Variants in TNS1 observed in about 807,000 individuals in gnomAD.
The protein encoded by TNS1 is tensin 1.
A neutral mutation model predicts 168.6 loss-of-function variants in TNS1; 62 were observed. That is an observed-to-expected ratio of 0.37 (90% CI 0.30 to 0.45). The LOEUF is 0.45. TNS1 is among the 20% of genes least tolerant of loss of function. The pLI is 1.00. For missense variants in TNS1, 2,240 were observed against 2,339.4 expected (o/e 0.96, Z 0.88); for synonymous variants, 934 against 933.2 (o/e 1.00, Z -0.02).
chr2:218,012,891 T>C (rs967193128), upstream of TNS1, among the ~76,000 whole-genome samples: 3 of 152,114 alleles, frequency 2.0e-5, no homozygotes, highest in Non-Finnish European at 4.4e-5. Context: ...TGGGGGGTTC[T>C]AATCCCAAAT....
At chr2:218,019,945 G>A (rs374551516) in intron 1 of TNS1, among the ~76,000 whole-genome samples, 8 of 151,190 alleles carry the variant, frequency 5.3e-5, no homozygotes, top group Non-Finnish European at 7.4e-5. Flanking sequence ...CCCACTCCCC[G>A]GCTGCAGCCT....
chr2:218,004,094 G>A (rs1216862917), upstream of TNS1, among the ~76,000 whole-genome samples: 1 of 152,198 alleles, frequency 6.6e-6, no homozygotes, highest in Non-Finnish European at 1.5e-5. Flanking sequence ...AACTGAGGGT[G>A]GGTGGGGGCC....
chr2:217,954,822 C>A (rs928542503), intron 3 of TNS1, among the ~76,000 whole-genome samples: 2 of 152,212 alleles, frequency 1.3e-5, no homozygotes, highest in African/African-American at 4.8e-5. Context: ...CTGTGGGCTT[C>A]CTGCACACAT....
intron 2 of TNS1, among the ~76,000 whole-genome samples, chr2:217,981,329 C>T (rs938088339): frequency 2.6e-5 from 4 of 152,220 alleles, no homozygotes; most frequent in Non-Finnish European, 4.4e-5. Flanking sequence ...TGGGCTGACT[C>T]CTGTGCTCTC....
chr2:217,838,697 C>G (rs529875258), intron 19 of TNS1, among the ~76,000 whole-genome samples: 128 of 152,346 alleles, frequency 8.4e-4, no homozygotes, highest in African/African-American at 3.0e-3. Flanking sequence ...TCCCCCTTGG[C>G]AAGCCCAGAT....
At chr2:217,932,611 C>T (rs1559371165) in intron 3 of TNS1, among the ~76,000 whole-genome samples, 1 of 152,152 alleles carries the variant, frequency 6.6e-6, no homozygotes, top group Non-Finnish European at 1.5e-5. Context: ...TTCACCTCAC[C>T]CCTGTGAAGC....
chr2:217,987,278 C>A (rs1035220352), intron 2 of TNS1, among the ~76,000 whole-genome samples: 3 of 152,152 alleles, frequency 2.0e-5, no homozygotes, highest in Admixed American at 6.5e-5. Context: ...CACAGCAGCC[C>A]CCCAGAGACC....
Position 217,813,419 on chromosome 2 carries a change from G to T in TNS1, c.4862-112C>A. On this transcript the variant is annotated intron_variant, in intron 26 of 32. Coordinates refer to ENST00000682258, the MANE Select transcript of TNS1 (RefSeq NM_001387777.1). This position sits in a 1 kb window ranked among gnomAD's most constrained non-coding sequence, Gnocchi z 4.0. Reference sequence around the variant, plus strand: ...TGTGCGGGGCCAAGATGGGAGAAATGACTGAAGAGAGAACGTGGCTGGAGC... The same window carrying T: ...TGTGCGGGGCCAAGATGGGAGAAATTACTGAAGAGAGAACGTGGCTGGAGC... 1 of 1,021,118 alleles carries T rather than the reference G, an allele frequency of 9.8e-7. No individual in the cohort carries two copies. Among genetic ancestry groups the T allele is most frequent in the South Asian group, 1.5e-5 (1 of 68,686 alleles). 63.3% of individuals were successfully genotyped at this position (1,021,118 alleles called of 1,614,324 possible).
At chr2:217,904,038 G>A (rs1189331908) in intron 6 of TNS1, among the ~76,000 whole-genome samples, 1 of 152,190 alleles carries the variant, frequency 6.6e-6, no homozygotes, top group Non-Finnish European at 1.5e-5. Flanking sequence ...AGGAGGGTCT[G>A]TAAGCGAACA....
intron 1 of TNS1, among the ~76,000 whole-genome samples, chr2:218,008,268 C>A (rs1026152332): frequency 6.6e-6 from 1 of 152,224 alleles, no homozygotes; most frequent in Non-Finnish European, 1.5e-5. Context: ...TCAGGCCCCG[C>A]AAAGGCTGGA....
chr2:217,991,196 G>T, intron 1 of TNS1, 140 bp from the exon 2 acceptor site: 1 of 444,402 alleles, frequency 2.3e-6, no homozygotes. Flanking sequence ...GAGGGAGGAG[G>T]GCCCAGGGAC....
intron 3 of TNS1, among the ~76,000 whole-genome samples, chr2:217,922,125 G>T (rs1311360836): frequency 6.6e-6 from 1 of 152,222 alleles, no homozygotes; most frequent in Non-Finnish European, 1.5e-5. Flanking sequence ...CTGAGAGACA[G>T]AGCCCAGGGC....
intron 1 of TNS1, among the ~76,000 whole-genome samples, chr2:218,008,836 C>G (rs930293311): frequency 1.3e-5 from 2 of 152,112 alleles, no homozygotes; most frequent in African/African-American, 2.4e-5. Flanking sequence ...TCTGGCCTGC[C>G]TAATGGTCTG....
intron 3 of TNS1, among the ~76,000 whole-genome samples, chr2:217,966,916 T>C (rs1957656497): frequency 6.7e-6 from 1 of 149,820 alleles, no homozygotes; most frequent in Admixed American, 6.6e-5. Context: ...AGACTTTCCC[T>C]TCAATGGCTC....
chr2:217,826,610 G>A (rs909500367), intron 22 of TNS1, among the ~76,000 whole-genome samples: 3 of 152,186 alleles, frequency 2.0e-5, no homozygotes, highest in Non-Finnish European at 4.4e-5. Flanking sequence ...TGCCTCCGCT[G>A]CTCCTAGCCG....
At chr2:217,977,140 T>C (rs1957916294) in intron 3 of TNS1, among the ~76,000 whole-genome samples, 1 of 152,110 alleles carries the variant, frequency 6.6e-6, no homozygotes. Flanking sequence ...AAAGAAAAGG[T>C]TGCAGGAAGG....
rs367714674 is a variant in TNS1, at chr2:217,957,666, T to C, written c.186+21099A>G. 2.0e-4 allele frequency among the ~76,000 whole-genome samples: 31 copies of C among 151,974 alleles called. No homozygotes were observed. In the East Asian group the frequency reaches 3.5e-3, roughly 17 times the overall value. Reference sequence around the variant, plus strand: ...ACATTTTTGAGATAATTAGAGAAAATTGAACACAGATGGGGTAGTAGCTGA... The same window carrying C: ...ACATTTTTGAGATAATTAGAGAAAACTGAACACAGATGGGGTAGTAGCTGA... On this transcript the variant is annotated intron_variant, in intron 3 of 32. Coordinates refer to ENST00000682258, the MANE Select transcript of TNS1 (RefSeq NM_001387777.1).
At chr2:217,896,587 A>C (rs763788008) in intron 8 of TNS1, among the ~76,000 whole-genome samples, 59 of 152,174 alleles carry the variant, frequency 3.9e-4, no homozygotes, top group Admixed American at 2.6e-4. Flanking sequence ...TGGCCCCGTC[A>C]ACACCTTGAT....
chr2:217,979,709 G>A (rs1258461387), intron 2 of TNS1, among the ~76,000 whole-genome samples: 5 of 152,128 alleles, frequency 3.3e-5, no homozygotes, highest in East Asian at 3.9e-4. Flanking sequence ...ATGGGTGGGC[G>A]AGGGGTCTCC....
Sources: allele counts gnomAD v4.1 joint callset (sites outside exome capture counted in the v4.1 genomes callset), GRCh38; gene constraint gnomAD v4.1.1; non-coding constraint Gnocchi (gnomAD v3.1); transcripts MANE v1.5; gene names NCBI Gene and HGNC (gene_info 2026-07-23, HGNC 2026-07-21).